The following ALK variants were observed in gnomAD, a reference collection of about 807,000 sequenced individuals.
The protein encoded by ALK is ALK tyrosine kinase receptor.
Under a neutral mutation model 163.1 loss-of-function variants are expected in ALK, and 74 were observed. The ratio of observed to expected loss-of-function variants is 0.45; its 90% CI spans 0.38 to 0.55. ALK has a LOEUF of 0.55. Ranked by LOEUF, ALK falls within the 20% of genes least tolerant of loss-of-function variation. The pLI, the probability that ALK is intolerant of heterozygous loss-of-function variation, is 0.00. For missense variants in ALK, 2,063 were observed against 2,105.3 expected, an observed-to-expected ratio of 0.98 and a Z score of 0.39; for synonymous variants, 960 against 843.2, an observed-to-expected ratio of 1.14 and a Z score of -2.40.
At chr2:29,781,745 G>A (rs1267272090) in intron 1 of ALK, among the ~76,000 whole-genome samples, 2 of 152,200 alleles carry the variant, frequency 1.3e-5, no homozygotes, top group African/African-American at 4.8e-5. Flanking sequence ...AAGAGAAAAA[G>A]CTGGGGGATC....
intron 5 of ALK, among the ~76,000 whole-genome samples, chr2:29,374,043 T>C (rs1668695298): frequency 6.6e-6 from 1 of 152,210 alleles, no homozygotes; most frequent in Admixed American, 6.5e-5. Context: ...CTTTGCATAA[T>C]GGCTCAGGCA....
chr2:29,646,913 G>A (rs956969720), intron 3 of ALK, among the ~76,000 whole-genome samples: 2 of 152,136 alleles, frequency 1.3e-5, no homozygotes, highest in East Asian at 1.9e-4. Context: ...GAGTGTAAAA[G>A]GATCAAGAAA....
chr2:29,525,161 T>C (rs1417274161), intron 4 of ALK, among the ~76,000 whole-genome samples: 1 of 152,166 alleles, frequency 6.6e-6, no homozygotes. Context: ...TGACCTTGGA[T>C]ACCCTCCAGC....
intron 11 of ALK, among the ~76,000 whole-genome samples, chr2:29,265,432 A>G (rs1665197701): frequency 6.6e-6 from 1 of 152,212 alleles, no homozygotes; most frequent in Non-Finnish European, 1.5e-5. Flanking sequence ...TCTAGTTAGT[A>G]GGATCACGAT....
chr2:29,872,695 C>T lies in ALK; in HGVS notation c.667+47298G>A, dbSNP rs868089023. ...TTTGAAGTACAGTTTCTACTGACTA[C>T]GTATCACTTTTGCATTATTATAAAG... On this transcript the variant is annotated intron_variant, in intron 1 of 28. Transcript: ENST00000389048. 1.4e-4 allele frequency among the ~76,000 whole-genome samples: 21 copies of T among 152,306 alleles called. No homozygotes were observed. In the Middle Eastern group the frequency reaches 0.017, roughly 123 times the overall value.
intron 4 of ALK, among the ~76,000 whole-genome samples, chr2:29,466,933 C>A (rs1306552126): frequency 6.6e-6 from 1 of 152,170 alleles, no homozygotes; most frequent in Admixed American, 6.5e-5. Context: ...ATTATGATAT[C>A]TTTAGTGGAC....
chr2:29,854,993 T>C (rs1666101817), intron 1 of ALK, among the ~76,000 whole-genome samples: 1 of 152,216 alleles, frequency 6.6e-6, no homozygotes, highest in Non-Finnish European at 1.5e-5. Flanking sequence ...AAATTTTAAG[T>C]GCACAATACA....
chr2:29,318,528 C>G (rs955510911), intron 7 of ALK, 124 bp from the exon 8 acceptor site: 2 of 727,526 alleles, frequency 2.7e-6, no homozygotes, highest in East Asian at 5.2e-5. Flanking sequence ...AAACAGGTTT[C>G]TGGCCTGCAA....
chr2:29,920,077 C>A lies in ALK; in HGVS notation c.583G>T (p.Ala195Ser), dbSNP rs138296547. The change falls in exon 1 of 29, where the codon GCG becomes TCG. Residue 195 changes from alanine (A) to serine (S), a missense_variant. By Grantham distance (99) the Ala-to-Ser change is moderately conservative (BLOSUM62 1). Transcript: ENST00000389048. ...CTTCCCTCTCTGCCCACTTCCGACG[C>A]CTTCTTCTCGGGCATCAGGCGGATC... ...LRIRLMPEKK[A>S]SEVGREGRLS... 1.9e-6 allele frequency: 3 copies of A among 1,614,212 alleles called. No homozygotes were observed. The highest frequency in any genetic ancestry group is 1.7e-6 in the Non-Finnish European group (2 of 1,180,048).
rs143654717 is a variant in ALK at position 29,349,174 on chromosome 2, G to A, written c.1283-20693C>T. Among the ~76,000 whole-genome samples, 1,150 of 152,230 alleles carry A rather than the reference G, an allele frequency of 7.6e-3. 7 individuals are homozygous for A. Among genetic ancestry groups the A allele is most frequent in the Non-Finnish European group, 0.012 (794 of 68,018 alleles). On this transcript the variant is annotated intron_variant, in intron 5 of 28. Coordinates refer to ENST00000389048, the MANE Select transcript of ALK (RefSeq NM_004304.5). ...GGGTTGCAGGGTCGCCCTCTCCATC[G>A]GCTCAGGGAAGACAGTAGAGTCTGC...
intron 3 of ALK, among the ~76,000 whole-genome samples, chr2:29,681,762 C>G (rs992838210): frequency 1.3e-5 from 2 of 150,408 alleles, no homozygotes; most frequent in Non-Finnish European, 3.0e-5. Flanking sequence ...TACATTACCC[C>G]CTTCCCCCCC....
chr2:29,495,324 G>A (rs1278504872), intron 4 of ALK, among the ~76,000 whole-genome samples: 4 of 152,190 alleles, frequency 2.6e-5, no homozygotes, highest in Admixed American at 1.3e-4. Flanking sequence ...CAAGGGTGGA[G>A]GGTGGCATTG....
At chr2:29,667,521 T>C (rs28884541) in intron 3 of ALK, among the ~76,000 whole-genome samples, 423 of 152,186 alleles carry the variant, frequency 2.8e-3, no homozygotes, top group African/African-American at 9.8e-3. Flanking sequence ...ATTTTTGTCA[T>C]AAAGAGACAT....
intron 11 of ALK, among the ~76,000 whole-genome samples, chr2:29,265,502 C>A (rs1193447063): frequency 6.6e-6 from 1 of 152,192 alleles, no homozygotes; most frequent in Non-Finnish European, 1.5e-5. Context: ...TTTTGACGCT[C>A]AGGGAGTTTT....
chr2:29,920,780 A>G lies in ALK; in HGVS notation c.-121T>C. On this transcript the variant is annotated 5_prime_UTR_variant, in exon 1 of 29. Transcript: ENST00000389048. Reference sequence around the variant, plus strand: ...CAGCGGCTCCTTCCACCTGATCTCCAGAGGACTGTGCGTGCGCGCAAGTCT... The same window carrying G: ...CAGCGGCTCCTTCCACCTGATCTCCGGAGGACTGTGCGTGCGCGCAAGTCT... 1.1e-6 allele frequency: 1 copy of G among 881,188 alleles called. No individual in the cohort carries two copies. Among genetic ancestry groups the G allele is most frequent in the Non-Finnish European group, 1.7e-6 (1 of 576,774 alleles). 54.6% of individuals were successfully genotyped at this position (881,188 alleles called of 1,614,324 possible). A position where few individuals can be genotyped will look rare whatever the true frequency, so the allele number is the denominator to read the frequency against.
At chr2:29,674,490 T>C (rs979781678) in intron 3 of ALK, among the ~76,000 whole-genome samples, 9 of 149,330 alleles carry the variant, frequency 6.0e-5, no homozygotes, top group African/African-American at 2.2e-4. Flanking sequence ...TTGATTTGCG[T>C]ATATTGAACC....
chr2:29,741,735 G>T (rs1680065150), intron 1 of ALK, among the ~76,000 whole-genome samples: 1 of 152,104 alleles, frequency 6.6e-6, no homozygotes, highest in Non-Finnish European at 1.5e-5. Context: ...CAAGACAAAA[G>T]CCTCTTTGGC....
intron 15 of ALK, among the ~76,000 whole-genome samples, chr2:29,229,707 G>C (rs963195923): frequency 6.6e-6 from 1 of 152,154 alleles, no homozygotes; most frequent in Non-Finnish European, 1.5e-5. Flanking sequence ...GTGAGTGTAC[G>C]AAATGCTCCA....
At chr2:29,570,203 T>TA (rs1368095796) in intron 3 of ALK, among the ~76,000 whole-genome samples, 1 of 152,176 alleles carries the variant, frequency 6.6e-6, no homozygotes, top group Non-Finnish European at 1.5e-5. Flanking sequence ...AGGAAACAAC[T>TA]ATTAAAACCT....
Sources: allele counts gnomAD v4.1 joint callset (sites outside exome capture counted in the v4.1 genomes callset), GRCh38; gene constraint gnomAD v4.1.1; transcripts MANE v1.5; gene names NCBI Gene and HGNC (gene_info 2026-07-23, HGNC 2026-07-21).